The following FABP12 variants were observed in gnomAD, a reference collection of about 807,000 sequenced individuals.
FABP12 encodes the protein fatty acid binding protein 12.
FABP12 carries 19 observed loss-of-function variants against 13.7 expected under a neutral mutation model. The observed-to-expected ratio is 1.39, with a 90% CI of 0.97 to 2.04. The LOEUF is 2.04. Among genes scored for constraint, FABP12 ranks in the 30% most tolerant of loss-of-function variants. The probability of loss-of-function intolerance (pLI) is 0.00; values close to 1 mark genes in which losing one functional copy is unlikely to be tolerated. For missense variants in FABP12, 182 were observed against 164.2 expected, an observed-to-expected ratio of 1.11 and a Z score of -0.59; for synonymous variants, 61 against 57.0, an observed-to-expected ratio of 1.07 and a Z score of -0.32.
At chr8:81,547,168 G>A (rs931278487) in intron 1 of FABP12, among the ~76,000 whole-genome samples, 9 of 152,170 alleles carry the variant, frequency 5.9e-5, no homozygotes, top group African/African-American at 2.2e-4. Flanking sequence ...CCTGACACAG[G>A]GACCAAGTTT....
intron 1 of FABP12, among the ~76,000 whole-genome samples, chr8:81,573,476 AT>A (rs1219137288): frequency 1.3e-5 from 2 of 152,106 alleles, no homozygotes; most frequent in Non-Finnish European, 2.9e-5. Flanking sequence ...GTTTCTTCAA[AT>A]TCTGTGAAGA....
intron 1 of FABP12, among the ~76,000 whole-genome samples, chr8:81,540,273 C>T (rs958915910): frequency 1.9e-4 from 29 of 152,200 alleles, no homozygotes; most frequent in African/African-American, 6.8e-4. Flanking sequence ...GATGCATGCT[C>T]AAATATGAGA....
intron 1 of FABP12, among the ~76,000 whole-genome samples, chr8:81,586,593 G>C (rs866702892): frequency 7.2e-5 from 11 of 152,122 alleles, no homozygotes; most frequent in Non-Finnish European, 1.0e-4. Context: ...CTAATGATTA[G>C]TGATATTGAG....
rs71268012 is a variant in FABP12, at chr8:81,578,823, G to GTTTCT, written c.-185+11229_-185+11230insAGAAA. Among the ~76,000 whole-genome samples the GTTTCT allele has an allele frequency of 1.7e-3, 182 of 105,648 alleles. 29 individuals carry two copies. The highest frequency in any genetic ancestry group is 3.7e-3 in the African/African-American group (92 of 24,600). The allele number at this position is 105,648 out of a possible 152,430, so 69.3% of individuals were successfully genotyped here. A position where few individuals can be genotyped will look rare whatever the true frequency, so the allele number is the denominator to read the frequency against. Reference sequence around the variant, plus strand: ...TACAGAATCTGACACATTTGTTCAAGTTTTTTTTTTTTTTTTTTTGAGAAG... The same window carrying GTTTCT: ...TACAGAATCTGACACATTTGTTCAAGTTTCTTTTTTTTTTTTTTTTTTTTGAGAAG... On this transcript the variant is annotated intron_variant, in intron 1 of 5. Coordinates refer to the FABP12 transcript ENST00000692030.
chr8:81,590,021 A>G (rs1810296423), intron 1 of FABP12, among the ~76,000 whole-genome samples: 2 of 152,248 alleles, frequency 1.3e-5, no homozygotes, highest in Non-Finnish European at 2.9e-5. Context: ...TTGTGATAAC[A>G]TAATCTCCAT....
At chr8:81,534,169 A>G (rs1180846708), upstream of FABP12, among the ~76,000 whole-genome samples, 1 of 151,868 alleles carries the variant, frequency 6.6e-6, no homozygotes, top group Non-Finnish European at 1.5e-5. Flanking sequence ...TTTTCCTCTC[A>G]CTAACACCTC....
At chr8:81,565,559 C>G (rs574067047) in intron 1 of FABP12, among the ~76,000 whole-genome samples, 2 of 151,808 alleles carry the variant, frequency 1.3e-5, no homozygotes, top group African/African-American at 4.8e-5. Flanking sequence ...AATTAAACAA[C>G]GTGTTGTTGA....
intron 1 of FABP12, among the ~76,000 whole-genome samples, chr8:81,579,289 T>A (rs1810116291): frequency 1.3e-5 from 2 of 152,156 alleles, no homozygotes; most frequent in Admixed American, 1.3e-4. Flanking sequence ...ATTTTACTGT[T>A]TTCAGATTTC....
At chr8:81,566,561 A>G (rs1030945004) in intron 1 of FABP12, among the ~76,000 whole-genome samples, 20 of 152,144 alleles carry the variant, frequency 1.3e-4, no homozygotes, top group African/African-American at 4.8e-4. Context: ...AATGAAGGAC[A>G]AAAACCATAT....
chr8:81,570,914 C>A (rs79238531), intron 1 of FABP12, among the ~76,000 whole-genome samples: 1 of 152,098 alleles, frequency 6.6e-6, no homozygotes, highest in African/African-American at 2.4e-5. Flanking sequence ...CAGGCCCTCC[C>A]TGGCCTGAAG....
At chr8:81,564,028 A>G (rs116437468) in intron 1 of FABP12, among the ~76,000 whole-genome samples, 154 of 152,330 alleles carry the variant, frequency 1.0e-3, no homozygotes, top group African/African-American at 3.7e-3. Flanking sequence ...TAAATAAAGG[A>G]TCTTAAAAGC....
At chr8:81,545,615 A>G (rs1315186748) in intron 1 of FABP12, among the ~76,000 whole-genome samples, 2 of 152,192 alleles carry the variant, frequency 1.3e-5, no homozygotes, top group Non-Finnish European at 2.9e-5. Flanking sequence ...CTTTTCTCCA[A>G]ATGCATTCAA....
At position 81,588,239 on chromosome 8, in the gene FABP12, T is replaced by C. The variant is rs191822915; in HGVS notation, c.-185+1814A>G. On this transcript the variant is annotated intron_variant, in intron 1 of 5. Transcript: ENST00000692030. ...TCAAATTGACACTCAATATTAACCA[T>C]CACAGAGCCTTTGGGCAGAGACTGT... 2.8e-4 allele frequency among the ~76,000 whole-genome samples: 43 copies of C among 152,308 alleles called. 2 individuals are homozygous for C. The highest frequency in any genetic ancestry group is 1.6e-3 in the Admixed American group (25 of 15,296).
chr8:81,540,037 T>C (rs1440078386), intron 1 of FABP12, among the ~76,000 whole-genome samples: 2 of 152,208 alleles, frequency 1.3e-5, no homozygotes, highest in Non-Finnish European at 2.9e-5. Flanking sequence ...CCTGGGAATA[T>C]ATATTTCTAA....
chr8:81,526,263 TTTTG>T (rs1195022735), intron 4 of FABP12: 2 of 152,196 alleles, frequency 1.3e-5, no homozygotes, highest in African/African-American at 2.4e-5. Context: ...TTTTTACTCA[TTTTG>T]GTATAGGTGG....
chr8:81,549,902 G>T (rs1809497567), intron 1 of FABP12, among the ~76,000 whole-genome samples: 1 of 152,104 alleles, frequency 6.6e-6, no homozygotes, highest in Non-Finnish European at 1.5e-5. Flanking sequence ...TACATCTTTT[G>T]TCCCCAGTGC....
chr8:81,589,162 G>A (rs1810285202), intron 1 of FABP12, among the ~76,000 whole-genome samples: 1 of 152,186 alleles, frequency 6.6e-6, no homozygotes, highest in South Asian at 2.1e-4. Flanking sequence ...GAAAAAGACT[G>A]GGACTGGATA....
upstream of FABP12, among the ~76,000 whole-genome samples, chr8:81,538,088 C>T (rs76147340): frequency 0.044 from 6,746 of 152,216 alleles, 197 homozygotes; most frequent in East Asian, 0.16. Context: ...TATCACATGG[C>T]AAGAGCTAGA....
chr8:81,526,584 G>T (rs1808905712), intron 4 of FABP12: 1 of 155,682 alleles, frequency 6.4e-6, no homozygotes, highest in East Asian at 1.9e-4. Context: ...ATAGTGACAT[G>T]TATTAACTCA....
Sources: gnomAD v4.1 joint callset for allele counts (sites outside exome capture counted in the v4.1 genomes callset) on GRCh38, gnomAD v4.1.1 for gene constraint, MANE v1.5 for transcripts, NCBI Gene and HGNC (gene_info 2026-07-23, HGNC 2026-07-21) for gene names.